Variants in DUS2 observed in about 807,000 individuals in gnomAD.
DUS2 encodes tRNA-dihydrouridine(20) synthase [NAD(P)+]-like.
In DUS2, 52 loss-of-function variants were observed where a neutral mutation model predicts 71.3. The ratio of observed to expected loss-of-function variants is 0.73; its 90% CI spans 0.58 to 0.92. The LOEUF is 0.92. Among genes scored for constraint, DUS2 ranks in the 40% least tolerant of loss-of-function variants. The pLI is 0.00. For missense variants in DUS2, 558 were observed against 622.6 expected (o/e 0.90, Z 1.10); for synonymous variants, 204 against 227.8 (o/e 0.90, Z 0.94).
Position 68,078,819 on chromosome 16 carries a change from G to A in DUS2, c.1315G>A (p.Gly439Ser), listed in dbSNP as rs752500982. 14 of 1,613,250 alleles carry A rather than the reference G, an allele frequency of 8.7e-6. No homozygotes were observed. Among genetic ancestry groups the A allele is most frequent in the African/African-American group, 2.7e-5 (2 of 74,930 alleles). ...TCTGCGGAGCCAGGGCCTCCCTGAG[G>A]GTCGGCTGGGTGAGGAGAGCCCTTC... ...VCLRSQGLPE[G>S]RLGEESPSLH... Residue 439 changes from glycine to serine, a missense_variant, in exon 17 of 17, where the codon GGT (glycine) becomes AGT (serine). Gly to Ser is a moderately conservative substitution (Grantham distance 56). Coordinates refer to ENST00000565263, the MANE Select transcript of DUS2 (RefSeq NM_017803.5).
In DUS2 at chr16:68,078,538, G is replaced by A; in HGVS notation, c.1244+20G>A. On this transcript the variant is annotated intron_variant, in intron 16 of 16. Transcript: ENST00000565263. ...CTTGTGGTAAGTTTCCTTATCATAG[G>A]AGAGGAGGCTTGGGGTGGGGCGGAG... 1 of 1,611,966 alleles carries A rather than the reference G, an allele frequency of 6.2e-7. No individual in the cohort carries two copies. The highest frequency in any genetic ancestry group is 8.5e-7 in the Non-Finnish European group (1 of 1,178,458).
Position 68,070,966 on chromosome 16 carries a change from A to G in DUS2, c.668A>G (p.Gln223Arg), listed in dbSNP as rs140702359. The G allele has an allele frequency of 4.3e-6, 7 of 1,614,100 alleles. No homozygotes were observed. Among genetic ancestry groups the G allele is most frequent in the East Asian group, 2.2e-5 (1 of 44,900 alleles). Reference protein sequence around the residue: ...ANGGSHDHIQQYSDIEDFRQA... With the variant: ...ANGGSHDHIQRYSDIEDFRQA... ...GGAGGATCTCATGACCACATCCAAC[A>G]GTATTCGGACATAGAGGACTTTCGA... The change falls in exon 12 of 17, where the codon CAG (glutamine) becomes CGG (arginine). Residue 223 changes from glutamine to arginine, a missense_variant. Physicochemically the swap from Gln to Arg is conservative, Grantham distance 43. Transcript: ENST00000565263.
chr16:68,069,664 AG>A (rs2034056954), intron 10 of DUS2, among the ~76,000 whole-genome samples: 1 of 152,224 alleles, frequency 6.6e-6, no homozygotes, highest in African/African-American at 2.4e-5. Context: ...GCCTCTCCCT[AG>A]GATCAGCTGT....
At chr16:68,035,884 T>TTATATATA (rs71145987) in intron 2 of DUS2, among the ~76,000 whole-genome samples, 152 of 113,216 alleles carry the variant, frequency 1.3e-3, no homozygotes, top group African/African-American at 5.7e-3. Flanking sequence ...CCCGCTAATT[T>TTATATATA]TATATATATA....
chr16:68,023,411 G>T, intron 1 of DUS2, 60 bp downstream of exon 1: 1 of 624,454 alleles, frequency 1.6e-6, no homozygotes, highest in Non-Finnish European at 2.8e-6. Flanking sequence ...GGGGAAGGGC[G>T]CGTCGTGGAG....
In DUS2 at chr16:68,039,544, G is replaced by A. The variant is rs190541715; in HGVS notation, c.126+1395G>A. Among the ~76,000 whole-genome samples, 13 of 152,106 alleles carry A rather than the reference G, an allele frequency of 8.5e-5. No homozygotes were observed. In the South Asian group the frequency reaches 1.9e-3, roughly 22 times the overall value. The stretch of plus-strand genomic sequence containing the variant: ...CACCATTCTTCTGCCTCAGCCTCCC[G>A]AGTAGCTGGGACTACAGGCGTCCGC... On this transcript the variant is annotated intron_variant, in intron 3 of 16. Coordinates refer to ENST00000565263, the MANE Select transcript of DUS2 (RefSeq NM_017803.5).
At position 68,075,382 on chromosome 16, in the gene DUS2, T is replaced by C; in HGVS notation, c.960T>C (p.Tyr320=). Reference sequence around the variant, plus strand: ...AGGCCTTTGGCCTTGGTGCCTTCTATGAGGAGACCACACAGGAGCTGGATG... The same window carrying C: ...AGGCCTTTGGCCTTGGTGCCTTCTACGAGGAGACCACACAGGAGCTGGATG... The part of the protein sequence containing the change: ...ICEAFGLGAF[Y]EETTQELDAQ... The change falls in exon 14 of 17, where the codon TAT becomes TAC. Residue 320 remains tyrosine (Y), a synonymous_variant. Transcript: ENST00000565263. 1.2e-6 allele frequency: 2 copies of C among 1,612,670 alleles called. No homozygotes were observed. The highest frequency in any genetic ancestry group is 3.3e-4 in the Middle Eastern group (2 of 6,058).
intron 4 of DUS2, among the ~76,000 whole-genome samples, chr16:68,052,622 A>G (rs535777193): frequency 3.3e-5 from 5 of 151,988 alleles, no homozygotes; most frequent in African/African-American, 9.6e-5. Flanking sequence ...AATCTGAAAC[A>G]TAGACAAACT....
Position 68,078,752 on chromosome 16 carries a change from C to T in DUS2, c.1248C>T (p.Asp416=). ...TTATTGCCCTCTGTCTGCTCAGGGA[C>T]AAGTCCAAGAAACTGGCGGAGCAGG... The part of the protein sequence containing the change: ...AEQKYQSTLW[D]KSKKLAEQAA... Residue 416 remains aspartate, a synonymous_variant, in exon 17 of 17, where the codon GAC becomes GAT. Coordinates refer to ENST00000565263, the MANE Select transcript of DUS2 (RefSeq NM_017803.5). The T allele has an allele frequency of 6.2e-7, 1 of 1,605,972 alleles. No homozygotes were observed.
intron 12 of DUS2, among the ~76,000 whole-genome samples, chr16:68,071,325 C>T (rs367551949): frequency 1.3e-5 from 2 of 152,214 alleles, no homozygotes; most frequent in East Asian, 3.8e-4. Context: ...CCTACCATCT[C>T]CTAAAGCTTC....
At chr16:68,065,943 A>C (rs1425656834) in intron 8 of DUS2, among the ~76,000 whole-genome samples, 3 of 152,156 alleles carry the variant, frequency 2.0e-5, no homozygotes, top group Non-Finnish European at 4.4e-5. Context: ...CTCAGGAAAT[A>C]ATAGTGTGGA....
At chr16:68,071,201 T>G in intron 12 of DUS2, 93 bp downstream of exon 12, 4 of 1,379,482 alleles carry the variant, frequency 2.9e-6, no homozygotes, top group South Asian at 1.2e-5. Context: ...CTGCCAGCTG[T>G]GCTTGCTGTT....
intron 7 of DUS2, 131 bp downstream of exon 7, chr16:68,056,555 C>T (rs897559665): frequency 1.0e-5 from 7 of 677,064 alleles, no homozygotes; most frequent in East Asian, 2.7e-5. Context: ...AAAAAGATAT[C>T]GTTAGATGAA....
In DUS2 at chr16:68,043,263, G is replaced by A. The variant is rs372874311; in HGVS notation, c.126+5114G>A. On this transcript the variant is annotated intron_variant, in intron 3 of 16. Transcript: ENST00000565263. The stretch of plus-strand genomic sequence containing the variant: ...CTCTACAAAAATACAAAAATTAGCC[G>A]GGTGTGGTGGTGCCCATCTGTAATC... Among the ~76,000 whole-genome samples the A allele has an allele frequency of 1.8e-3, 278 of 152,224 alleles. 4 individuals carry two copies. The highest frequency in any genetic ancestry group is 6.3e-3 in the African/African-American group (262 of 41,564).
At chr16:68,034,409 G>A (rs1226410864) in intron 2 of DUS2, among the ~76,000 whole-genome samples, 1 of 152,110 alleles carries the variant, frequency 6.6e-6, no homozygotes, top group Non-Finnish European at 1.5e-5. Flanking sequence ...GTAAAGATGG[G>A]ATTTTGCTAT....
intron 4 of DUS2, among the ~76,000 whole-genome samples, chr16:68,051,586 C>G (rs1242545585): frequency 6.6e-6 from 1 of 151,874 alleles, no homozygotes; most frequent in African/African-American, 2.4e-5. Flanking sequence ...AGATGGGGGT[C>G]TTGCTATGTT....
chr16:68,033,236 C>T (rs902473662), intron 2 of DUS2, among the ~76,000 whole-genome samples: 1 of 152,072 alleles, frequency 6.6e-6, no homozygotes, highest in East Asian at 1.9e-4. Flanking sequence ...GTTTCTGGTG[C>T]GCAGTTGTGG....
chr16:68,046,845 C>T (rs2033708974), intron 3 of DUS2, among the ~76,000 whole-genome samples: 1 of 151,680 alleles, frequency 6.6e-6, no homozygotes, highest in South Asian at 2.1e-4. Flanking sequence ...CTGCCGGATT[C>T]ATGCCATTCT....
intron 8 of DUS2, 87 bp downstream of exon 8, chr16:68,061,200 A>C (rs1384206380): frequency 2.2e-6 from 3 of 1,362,842 alleles, no homozygotes; most frequent in Non-Finnish European, 3.1e-6. Context: ...CCAATACCAG[A>C]TTTACTGATG....
Sources: gnomAD v4.1 joint callset for allele counts (sites outside exome capture counted in the v4.1 genomes callset) on GRCh38, gnomAD v4.1.1 for gene constraint, MANE v1.5 for transcripts, NCBI Gene and HGNC (gene_info 2026-07-23, HGNC 2026-07-21) for gene names.